Variants in MAP3K7 observed in about 807,000 individuals in gnomAD.
MAP3K7 encodes the protein mitogen-activated protein kinase kinase kinase 7.
A neutral mutation model predicts 84.8 loss-of-function variants in MAP3K7; 21 were observed. The observed-to-expected ratio is 0.25, with a 90% CI of 0.18 to 0.36. The LOEUF (loss-of-function observed/expected upper bound fraction) is 0.36. Ranked by LOEUF, MAP3K7 falls within the 10% of genes least tolerant of loss-of-function variation. MAP3K7 has a pLI of 1.00. For missense variants in MAP3K7, 503 were observed against 747.7 expected, an observed-to-expected ratio of 0.67 and a Z score of 3.82; for synonymous variants, 241 against 247.7, an observed-to-expected ratio of 0.97 and a Z score of 0.25.
Position 90,516,491 on chromosome 6 carries a change from T to C in MAP3K7, c.*10A>G. 1 of 1,607,714 alleles carries C rather than the reference T, an allele frequency of 6.2e-7. No homozygotes were observed. Among genetic ancestry groups the C allele is most frequent in the Middle Eastern group, 1.7e-4 (1 of 6,030 alleles). ...CTTTGCATATTTCAAAATGTAACGGTCCCAGAGAATCATGAAGTGCCTTGT... is the reference window on the plus strand; with the variant it reads ...CTTTGCATATTTCAAAATGTAACGGCCCCAGAGAATCATGAAGTGCCTTGT... On this transcript the variant is annotated 3_prime_UTR_variant, in exon 17 of 17. Transcript: ENST00000369329.
At chr6:90,564,249 C>T (rs1776623262) in intron 3 of MAP3K7, among the ~76,000 whole-genome samples, 1 of 152,134 alleles carries the variant, frequency 6.6e-6, no homozygotes, top group African/African-American at 2.4e-5. Context: ...GGGCTAAATG[C>T]TCCAAATGAA....
intron 9 of MAP3K7, among the ~76,000 whole-genome samples, chr6:90,550,103 G>A (rs1437746146): frequency 6.6e-6 from 1 of 151,712 alleles, no homozygotes; most frequent in African/African-American, 2.4e-5. Context: ...CAAAAACTAG[G>A]GTGTTCGTGA....
In MAP3K7 at chr6:90,514,646, G is replaced by C. The variant is rs767932015; in HGVS notation, c.*1855C>G. ...ATCCTAATGGAAACATCAAGCCTTA[G>C]CATTCACGCTTGGATATCTCGTGCT... On this transcript the variant is annotated 3_prime_UTR_variant, in exon 17 of 17. Coordinates refer to ENST00000369329, the MANE Select transcript of MAP3K7 (RefSeq NM_145331.3). 3.3e-5 allele frequency: 5 copies of C among 151,896 alleles called. No individual in the cohort carries two copies. The highest frequency in any genetic ancestry group is 6.6e-5 in the Admixed American group (1 of 15,218). The allele number at this position is 151,896 out of a possible 1,614,324, so 9.4% of individuals were successfully genotyped here.
At chr6:90,585,843 G>C (rs1261038384) in intron 1 of MAP3K7, among the ~76,000 whole-genome samples, 2 of 152,134 alleles carry the variant, frequency 1.3e-5, no homozygotes, top group Admixed American at 6.5e-5. Context: ...TTTGATCGTA[G>C]ACCAGTCTAT....
intron 6 of MAP3K7, among the ~76,000 whole-genome samples, chr6:90,556,286 G>C (rs1776336564): frequency 6.6e-6 from 1 of 152,106 alleles, no homozygotes; most frequent in Admixed American, 6.5e-5. Context: ...GAACAATGAG[G>C]ATCAACTGTA....
At chr6:90,577,551 A>G (rs1209160582) in intron 1 of MAP3K7, among the ~76,000 whole-genome samples, 1 of 152,226 alleles carries the variant, frequency 6.6e-6, no homozygotes, top group Non-Finnish European at 1.5e-5. Context: ...CATTTAGATC[A>G]CAAGAGAGGA....
intron 1 of MAP3K7, among the ~76,000 whole-genome samples, chr6:90,572,170 C>CA (rs1203485897): frequency 6.6e-6 from 1 of 151,266 alleles, no homozygotes; most frequent in Non-Finnish European, 1.5e-5. Flanking sequence ...TATGGAAAAA[C>CA]AAAAAGCAGG....
chr6:90,523,715 TG>T lies in MAP3K7; in HGVS notation c.1424del (p.Pro475GlnfsTer36). The T allele has an allele frequency of 6.2e-7, 1 of 1,613,568 alleles. No homozygotes were observed. Among genetic ancestry groups the T allele is most frequent in the Non-Finnish European group, 8.5e-7 (1 of 1,179,638 alleles). ...ITTSGPTSEK[P>X]TRSHPWTPDD... Reference sequence around the variant, plus strand: ...CAGGGGTCCATGGATGACTTCGAGTTGGCTTTTCTGAGGTTGGTCCTGAGGT... The same window carrying T: ...CAGGGGTCCATGGATGACTTCGAGTTGCTTTTCTGAGGTTGGTCCTGAGGT... On this transcript the variant is annotated frameshift_variant, in exon 14 of 17. Coordinates refer to ENST00000369329, the MANE Select transcript of MAP3K7 (RefSeq NM_145331.3). LOFTEE classifies it high-confidence loss of function.
intron 3 of MAP3K7, among the ~76,000 whole-genome samples, chr6:90,565,797 C>A (rs61385713): frequency 4.6e-5 from 7 of 152,160 alleles, no homozygotes; most frequent in Middle Eastern, 3.4e-3. Context: ...TGATGAACAT[C>A]GATGCAAAAA....
intron 14 of MAP3K7, among the ~76,000 whole-genome samples, chr6:90,520,017 C>T (rs977114552): frequency 7.2e-5 from 11 of 151,942 alleles, no homozygotes; most frequent in Non-Finnish European, 1.0e-4. Flanking sequence ...GAATAGAATG[C>T]TTTTGTTTAT....
intron 14 of MAP3K7, among the ~76,000 whole-genome samples, chr6:90,522,207 T>C (rs34107282): frequency 1.3e-3 from 194 of 152,194 alleles, no homozygotes; most frequent in African/African-American, 4.3e-3. Flanking sequence ...TGTTTCTAGG[T>C]ACAGAAAAAG....
intron 1 of MAP3K7, among the ~76,000 whole-genome samples, chr6:90,584,240 G>A (rs1397437354): frequency 6.6e-6 from 1 of 152,110 alleles, no homozygotes; most frequent in African/African-American, 2.4e-5. Context: ...AATCTAAGTT[G>A]ACAAATAGCT....
chr6:90,569,227 T>G (rs2127984024), intron 2 of MAP3K7, among the ~76,000 whole-genome samples: 1 of 152,302 alleles, frequency 6.6e-6, no homozygotes, highest in South Asian at 2.1e-4. Flanking sequence ...AACTTTAGTC[T>G]ATCTGACTTA....
At chr6:90,563,075 T>C (rs146315848) in intron 3 of MAP3K7, among the ~76,000 whole-genome samples, 2,360 of 152,184 alleles carry the variant, frequency 0.016, 66 homozygotes, top group African/African-American at 0.053. Context: ...CATCTGTATG[T>C]CACCATCATC....
chr6:90,565,236 C>A (rs1776662321), intron 3 of MAP3K7, among the ~76,000 whole-genome samples: 2 of 151,240 alleles, frequency 1.3e-5, no homozygotes, highest in South Asian at 4.2e-4. Context: ...GACAGAGACA[C>A]AACAAACCCT....
At chr6:90,566,184 A>G (rs1776697638) in intron 3 of MAP3K7, among the ~76,000 whole-genome samples, 1 of 152,224 alleles carries the variant, frequency 6.6e-6, no homozygotes. Context: ...CACCACTCCT[A>G]TTCAACATAG....
chr6:90,573,250 G>A (rs1478851950), intron 1 of MAP3K7, among the ~76,000 whole-genome samples: 1 of 152,186 alleles, frequency 6.6e-6, no homozygotes. Context: ...AAAGCCCCAT[G>A]TCGGGAAGTA....
At chr6:90,568,657 A>G (rs777843652) in intron 2 of MAP3K7, 34 bp from the exon 3 acceptor site, 12 of 1,525,872 alleles carry the variant, frequency 7.9e-6, no homozygotes, top group Middle Eastern at 1.7e-4. Flanking sequence ...TTAAAAAGTG[A>G]TAACTTTTGA....
chr6:90,543,895 A>G (rs1367369399), intron 12 of MAP3K7, among the ~76,000 whole-genome samples: 1 of 152,150 alleles, frequency 6.6e-6, no homozygotes, highest in African/African-American at 2.4e-5. Context: ...TACCAATTTT[A>G]GACACTAAAG....
Sources: gnomAD v4.1 joint callset for allele counts (sites outside exome capture counted in the v4.1 genomes callset) on GRCh38, gnomAD v4.1.1 for gene constraint, MANE v1.5 for transcripts, NCBI Gene and HGNC (gene_info 2026-07-23, HGNC 2026-07-21) for gene names.